Variants in GRIK2 observed in about 807,000 individuals in gnomAD.
GRIK2 encodes glutamate ionotropic receptor kainate type subunit 2.
GRIK2 carries 32 observed loss-of-function variants against 100.3 expected under a neutral mutation model. The observed-to-expected ratio is 0.32, with a 90% CI of 0.24 to 0.43. The LOEUF is 0.43. GRIK2 is among the 20% of genes least tolerant of loss of function. The pLI, the probability that GRIK2 is intolerant of heterozygous loss-of-function variation, is 1.00. For synonymous variants in GRIK2, 417 were observed against 389.4 expected, an observed-to-expected ratio of 1.07 and a Z score of -0.83; for missense variants, 843 against 1,114.9, an observed-to-expected ratio of 0.76 and a Z score of 3.47.
intron 4 of GRIK2, among the ~76,000 whole-genome samples, chr6:101,671,458 A>G (rs910809151): frequency 2.0e-5 from 3 of 152,128 alleles, no homozygotes; most frequent in African/African-American, 4.8e-5. Flanking sequence ...ATTTAGTTTA[A>G]TGGGAGGCAG....
chr6:101,839,564 G>A (rs1374562826), intron 10 of GRIK2, among the ~76,000 whole-genome samples: 3 of 152,160 alleles, frequency 2.0e-5, no homozygotes, highest in Non-Finnish European at 2.9e-5. Context: ...TACATGAACA[G>A]TATGATCAAG....
At chr6:101,533,816 C>T (rs1365353907) in intron 2 of GRIK2, among the ~76,000 whole-genome samples, 2 of 151,954 alleles carry the variant, frequency 1.3e-5, no homozygotes, top group African/African-American at 2.4e-5. Context: ...GGAAATTAAA[C>T]ATCTGCCTTC....
intron 2 of GRIK2, among the ~76,000 whole-genome samples, chr6:101,464,701 T>C (rs1771548697): frequency 6.6e-6 from 1 of 151,478 alleles, no homozygotes; most frequent in Non-Finnish European, 1.5e-5. Flanking sequence ...TTTGTATTTT[T>C]AGTAGAGACA....
chr6:101,425,337 A>G (rs926009160), intron 2 of GRIK2, among the ~76,000 whole-genome samples: 6 of 152,202 alleles, frequency 3.9e-5, no homozygotes, highest in Non-Finnish European at 5.9e-5. Flanking sequence ...CTGTAGAACA[A>G]TTAGTCATAC....
At chr6:101,916,842 T>C (rs1369866843) in intron 12 of GRIK2, among the ~76,000 whole-genome samples, 1 of 151,732 alleles carries the variant, frequency 6.6e-6, no homozygotes, top group Admixed American at 6.6e-5. Context: ...TTCAATAGTT[T>C]ATTATTTAAA....
chr6:101,596,999 A>G (rs1042441571), intron 2 of GRIK2, among the ~76,000 whole-genome samples: 2 of 151,834 alleles, frequency 1.3e-5, no homozygotes, highest in East Asian at 3.9e-4. Context: ...TAGGTGCCCA[A>G]TAATGGTAGA....
intron 7 of GRIK2, among the ~76,000 whole-genome samples, chr6:101,744,004 A>G (rs1776215491): frequency 1.3e-5 from 2 of 151,814 alleles, no homozygotes; most frequent in Admixed American, 1.3e-4. Context: ...GTGCAGTGGC[A>G]TGATCTCGGC....
At chr6:101,838,288 A>T (rs1183612914) in intron 10 of GRIK2, among the ~76,000 whole-genome samples, 2 of 152,190 alleles carry the variant, frequency 1.3e-5, no homozygotes, top group African/African-American at 4.8e-5. Context: ...ACTTGTATTA[A>T]ATAAATTTGT....
intron 7 of GRIK2, among the ~76,000 whole-genome samples, chr6:101,775,647 C>T (rs1024198475): frequency 2.6e-5 from 4 of 151,494 alleles, no homozygotes; most frequent in South Asian, 2.1e-4. Context: ...TCACATTCCC[C>T]GCCCCGGTCT....
intron 2 of GRIK2, among the ~76,000 whole-genome samples, chr6:101,562,867 T>A (rs1777086179): frequency 6.6e-6 from 1 of 152,162 alleles, no homozygotes. Context: ...AATTAGAATA[T>A]CTATCTGTGG....
intron 2 of GRIK2, among the ~76,000 whole-genome samples, chr6:101,409,104 GTGTA>G (rs1225142838): frequency 2.4e-5 from 3 of 122,798 alleles, no homozygotes; most frequent in Admixed American, 8.3e-5. Flanking sequence ...CTGAAACATT[GTGTA>G]TGTGTGTGTG....
At chr6:102,002,597 A>G (rs1394119850) in intron 14 of GRIK2, among the ~76,000 whole-genome samples, 1 of 150,686 alleles carries the variant, frequency 6.6e-6, no homozygotes, top group Non-Finnish European at 1.5e-5. Context: ...TATTCTTTAC[A>G]AGGTCTATTT....
At chr6:101,702,557 A>G (rs768865930) in intron 7 of GRIK2, among the ~76,000 whole-genome samples, 28 of 151,986 alleles carry the variant, frequency 1.8e-4, no homozygotes, top group Non-Finnish European at 3.4e-4. Context: ...TCTTAAGTTA[A>G]TTTAACATTT....
intron 16 of GRIK2, among the ~76,000 whole-genome samples, chr6:102,062,637 A>G (rs1771811640): frequency 6.6e-6 from 1 of 150,580 alleles, no homozygotes; most frequent in South Asian, 2.1e-4. Context: ...AAGGTTGTAT[A>G]TATTTTTTTA....
chr6:101,874,402 G>A (rs574000034), intron 11 of GRIK2, among the ~76,000 whole-genome samples: 1 of 152,134 alleles, frequency 6.6e-6, no homozygotes, highest in South Asian at 2.1e-4. Flanking sequence ...AGATCAAATG[G>A]TTGTTGATGT....
chr6:101,925,924 A>G (rs1316610729), intron 13 of GRIK2, among the ~76,000 whole-genome samples: 1 of 151,974 alleles, frequency 6.6e-6, no homozygotes, highest in Non-Finnish European at 1.5e-5. Context: ...TACATGTCAA[A>G]AGAAAAAGTT....
chr6:101,906,705 T>C (rs564952878), intron 12 of GRIK2, among the ~76,000 whole-genome samples: 2 of 151,798 alleles, frequency 1.3e-5, no homozygotes, highest in South Asian at 4.2e-4. Context: ...CCTAATGGTA[T>C]ATTTGTCTAT....
At chr6:101,755,526 C>T (rs1016558047) in intron 7 of GRIK2, among the ~76,000 whole-genome samples, 2 of 152,078 alleles carry the variant, frequency 1.3e-5, no homozygotes, top group African/African-American at 4.8e-5. Flanking sequence ...ATCTTTTCTA[C>T]CTAGTCTAGA....
At position 101,722,929 on chromosome 6, in the gene GRIK2, CT is replaced by C. The variant is rs561023039; in HGVS notation, c.951+36580del. Among the ~76,000 whole-genome samples, 271 of 152,128 alleles carry C rather than the reference CT, an allele frequency of 1.8e-3. 2 individuals carry two copies. Among genetic ancestry groups the C allele is most frequent in the African/African-American group, 5.9e-3 (246 of 41,532 alleles). On this transcript the variant is annotated intron_variant, in intron 7 of 16. Transcript: ENST00000369134. ...GATGCTGTCATTTTTACTGCCAGTC[CT>C]TTTAAGGGTCCAATCCTTCTTATCA...
Sources: gnomAD v4.1 joint callset for allele counts (sites outside exome capture counted in the v4.1 genomes callset) on GRCh38, gnomAD v4.1.1 for gene constraint, MANE v1.5 for transcripts, NCBI Gene and HGNC (gene_info 2026-07-23, HGNC 2026-07-21) for gene names.